The following KLHL32 variants were observed in gnomAD, a reference collection of about 807,000 sequenced individuals.
The protein encoded by KLHL32 is kelch like family member 32, also known as kelch-like protein 32.
Under a neutral mutation model 64.8 loss-of-function variants are expected in KLHL32, and 35 were observed. That is an observed-to-expected ratio of 0.54 (90% CI 0.41 to 0.72). The LOEUF (loss-of-function observed/expected upper bound fraction) is 0.72, where lower values mean the gene tolerates loss of function less well. Among genes scored for constraint, KLHL32 ranks in the 30% least tolerant of loss-of-function variants. KLHL32 has a pLI of 0.00. For missense variants in KLHL32, 589 were observed against 768.5 expected, an observed-to-expected ratio of 0.77 and a Z score of 2.76; for synonymous variants, 259 against 281.0, an observed-to-expected ratio of 0.92 and a Z score of 0.78.
At chr6:96,985,131 A>G (rs1405527775) in intron 3 of KLHL32, among the ~76,000 whole-genome samples, 2 of 152,108 alleles carry the variant, frequency 1.3e-5, no homozygotes, top group South Asian at 2.1e-4. Context: ...TCACTTATGA[A>G]GCTTAGTTTG....
At chr6:96,899,668 A>G in the KLHL32 span, among the ~76,000 whole-genome samples, 1 of 152,246 alleles carries the variant, frequency 6.6e-6, no homozygotes, top group Non-Finnish European at 1.5e-5. Context: ...GATGCACTCC[A>G]TCAGAAACTC....
At chr6:97,109,913 G>A (rs763225451) in intron 6 of KLHL32, among the ~76,000 whole-genome samples, 4 of 152,194 alleles carry the variant, frequency 2.6e-5, no homozygotes, top group South Asian at 2.1e-4. Context: ...CAAATATTAC[G>A]TTTCAGAAAT....
rs567488594 is a variant in KLHL32, at chr6:97,092,714, C to T, written c.627+7373C>T. The stretch of plus-strand genomic sequence containing the variant: ...TTAATCTTTCCTTCTAATCTATATG[C>T]GGCTAACTCCTCTGTGAGGGTGCAT... On this transcript the variant is annotated intron_variant, in intron 6 of 10. Coordinates refer to ENST00000369261, the MANE Select transcript of KLHL32 (RefSeq NM_052904.4). 2.0e-4 allele frequency among the ~76,000 whole-genome samples: 31 copies of T among 152,266 alleles called. No individual in the cohort carries two copies. The South Asian group carries it at 5.8e-3, about 29-fold the overall frequency.
chr6:97,125,548 A>AT (rs2128218890), intron 7 of KLHL32, among the ~76,000 whole-genome samples: 1 of 152,340 alleles, frequency 6.6e-6, no homozygotes, highest in African/African-American at 2.4e-5. Flanking sequence ...CACTGGGGTG[A>AT]TTTAGTAGAA....
chr6:97,049,546 G>A (rs1298653136), intron 4 of KLHL32, among the ~76,000 whole-genome samples: 1 of 138,324 alleles, frequency 7.2e-6, no homozygotes, highest in East Asian at 2.4e-4. Flanking sequence ...TTTACCATGG[G>A]TAACTGAAAC....
At chr6:96,937,063 A>T (rs1178718606) in intron 1 of KLHL32, among the ~76,000 whole-genome samples, 2 of 152,164 alleles carry the variant, frequency 1.3e-5, no homozygotes, top group African/African-American at 4.8e-5. Context: ...TAAAAAAAAA[A>T]AGTTTTACTG....
chr6:96,976,634 T>C (rs1400061659), intron 3 of KLHL32, among the ~76,000 whole-genome samples: 1 of 152,168 alleles, frequency 6.6e-6, no homozygotes, highest in Non-Finnish European at 1.5e-5. Context: ...GTCTCGCTCT[T>C]TCACCCAGGC....
At chr6:96,937,601 G>A (rs764330138) in intron 1 of KLHL32, among the ~76,000 whole-genome samples, 4 of 152,102 alleles carry the variant, frequency 2.6e-5, no homozygotes, top group Non-Finnish European at 4.4e-5. Flanking sequence ...ATTAATGAAT[G>A]ATTCCATGAT....
chr6:97,121,226 G>C (rs529698153), intron 7 of KLHL32, among the ~76,000 whole-genome samples: 1 of 152,118 alleles, frequency 6.6e-6, no homozygotes, highest in Non-Finnish European at 1.5e-5. Flanking sequence ...TGTGTCTCTG[G>C]TTCTTTAGAC....
intron 6 of KLHL32, among the ~76,000 whole-genome samples, chr6:97,090,193 T>C (rs1794032144): frequency 6.6e-6 from 1 of 152,192 alleles, no homozygotes; most frequent in Non-Finnish European, 1.5e-5. Flanking sequence ...TATTAAAATG[T>C]ATTGAATGGA....
At chr6:97,109,102 CAG>C (rs1046674254) in intron 6 of KLHL32, among the ~76,000 whole-genome samples, 1 of 152,202 alleles carries the variant, frequency 6.6e-6, no homozygotes, top group African/African-American at 2.4e-5. Context: ...GTTGGAAGTG[CAG>C]ACTCCTCATC....
chr6:96,930,801 G>T (rs1241147943), intron 1 of KLHL32, among the ~76,000 whole-genome samples: 1 of 152,004 alleles, frequency 6.6e-6, no homozygotes, highest in Non-Finnish European at 1.5e-5. Flanking sequence ...CTTTTATGCA[G>T]CTCCTGGAGC....
intron 3 of KLHL32, among the ~76,000 whole-genome samples, chr6:97,013,926 G>C (rs1780748537): frequency 6.6e-6 from 1 of 152,130 alleles, no homozygotes; most frequent in Non-Finnish European, 1.5e-5. Flanking sequence ...AGTTTAAACT[G>C]AAAAATTAAC....
rs76625113 is a variant in KLHL32 at position 96,967,399 on chromosome 6, A to T, written c.23+316A>T. Among the ~76,000 whole-genome samples, 1,085 of 152,212 alleles carry T rather than the reference A, an allele frequency of 7.1e-3. 25 individuals carry two copies. The highest frequency in any genetic ancestry group is 0.025 in the African/African-American group (1,038 of 41,514). On this transcript the variant is annotated intron_variant, in intron 2 of 10. Coordinates refer to ENST00000369261, the MANE Select transcript of KLHL32 (RefSeq NM_052904.4). ...GTATATCACATAAAAAAGGAATCAA[A>T]AAACTATACATATATATGTGTGTGT...
Position 97,006,292 on chromosome 6 carries a change from T to A in KLHL32, c.204+30115T>A, listed in dbSNP as rs556913367. On this transcript the variant is annotated intron_variant, in intron 3 of 10. Transcript: ENST00000369261. ...CTTTGTCTTTTTAAATTGTTGTTGT[T>A]GATTTATAGTCTTTTTTGCCTGATA... Among the ~76,000 whole-genome samples, 41 of 152,286 alleles carry A rather than the reference T, an allele frequency of 2.7e-4. No homozygotes were observed. The South Asian group carries it at 7.5e-3, about 28-fold the overall frequency.
At chr6:96,905,454 A>G in the KLHL32 span, among the ~76,000 whole-genome samples, 3 of 152,292 alleles carry the variant, frequency 2.0e-5, no homozygotes, top group East Asian at 3.9e-4. Context: ...CTTAGCAGCC[A>G]TGGTGTAACA....
intron 3 of KLHL32, among the ~76,000 whole-genome samples, chr6:97,033,236 T>A (rs1783827239): frequency 6.6e-6 from 1 of 152,180 alleles, no homozygotes; most frequent in South Asian, 2.1e-4. Context: ...GGTCTGAAAC[T>A]AAACCCACCA....
chr6:97,117,929 G>A (rs1483401728), intron 7 of KLHL32, among the ~76,000 whole-genome samples: 1 of 152,108 alleles, frequency 6.6e-6, no homozygotes, highest in Non-Finnish European at 1.5e-5. Flanking sequence ...AAATGTTATT[G>A]CATTTACTCA....
At chr6:97,104,440 C>T (rs1796136664) in intron 6 of KLHL32, among the ~76,000 whole-genome samples, 1 of 152,114 alleles carries the variant, frequency 6.6e-6, no homozygotes, top group Non-Finnish European at 1.5e-5. Context: ...TAAAGGTGAA[C>T]ATAATAACAT....
Sources: gnomAD v4.1 joint callset for allele counts (sites outside exome capture counted in the v4.1 genomes callset) on GRCh38, gnomAD v4.1.1 for gene constraint, MANE v1.5 for transcripts, NCBI Gene and HGNC (gene_info 2026-07-23, HGNC 2026-07-21) for gene names.